The following MICALL1 variants were observed in gnomAD, a reference collection of about 807,000 sequenced individuals.
The protein encoded by MICALL1 is MICAL like 1, also known as MICAL-like protein 1.
A neutral mutation model predicts 83.7 loss-of-function variants in MICALL1; 61 were observed. That is an observed-to-expected ratio of 0.73 (90% confidence interval 0.59 to 0.90). The LOEUF (loss-of-function observed/expected upper bound fraction) is 0.90. Ranked by LOEUF, MICALL1 falls within the 40% of genes least tolerant of loss-of-function variation. The pLI, the probability that MICALL1 is intolerant of heterozygous loss-of-function variation, is 0.00. For missense variants in MICALL1, 1,066 were observed against 1,152.0 expected, an observed-to-expected ratio of 0.93 and a Z score of 1.08; for synonymous variants, 481 against 473.6, an observed-to-expected ratio of 1.02 and a Z score of -0.20.
At position 37,931,358 on chromosome 22, in the gene MICALL1, A is replaced by C. The variant is rs542443840; in HGVS notation, c.1882-441A>C. Among the ~76,000 whole-genome samples, 9 of 152,212 alleles carry C rather than the reference A, an allele frequency of 5.9e-5. No homozygotes were observed. In the South Asian group the frequency reaches 1.9e-3, roughly 32 times the overall value. On this transcript the variant is annotated intron_variant, in intron 9 of 15. Transcript: ENST00000215957. ...GGAGTTTGGGACCAGCCTGGGCAAC[A>C]AAGTGAGAACCTGTCTTTACAAAAA... is the stretch of plus-strand genomic sequence containing the variant.
chr22:37,928,043 A>G lies in MICALL1; in HGVS notation c.1881+217A>G, dbSNP rs535323894. Among the ~76,000 whole-genome samples the G allele has an allele frequency of 1.9e-4, 29 of 151,438 alleles. No individual in the cohort carries two copies. The South Asian group carries it at 5.8e-3, about 30-fold the overall frequency. ...CTGCCTGAGCCCCCAAGTAGCTGGT[A>G]CTACAGGCGCCCACCACCACGCCCG... On this transcript the variant is annotated intron_variant, in intron 9 of 15. Coordinates refer to ENST00000215957, the MANE Select transcript of MICALL1 (RefSeq NM_033386.4).
chr22:37,937,508 C>CT (rs1404663769), intron 14 of MICALL1, among the ~76,000 whole-genome samples: 1 of 150,558 alleles, frequency 6.6e-6, no homozygotes, highest in African/African-American at 2.4e-5. Flanking sequence ...ACTACAACCT[C>CT]TGTCTCCCAG....
At chr22:37,931,744 G>A in intron 9 of MICALL1, 55 bp from the exon 10 acceptor site, 1 of 1,602,260 alleles carries the variant, frequency 6.2e-7, no homozygotes, top group Non-Finnish European at 8.5e-7. Flanking sequence ...AGGCTGCTGG[G>A]GTCTCACGTG....
Position 37,921,996 on chromosome 22 carries a change from G to T in MICALL1, c.594G>T (p.Leu198=), listed in dbSNP as rs1929061786. 1 of 1,591,150 alleles carries T rather than the reference G, an allele frequency of 6.3e-7. No homozygotes were observed. The highest frequency in any genetic ancestry group is 8.6e-7 in the Non-Finnish European group (1 of 1,165,806). Residue 198 remains leucine, a synonymous_variant, in exon 6 of 16, where the codon CTG becomes CTT. Transcript: ENST00000215957. Reference sequence around the variant, plus strand: ...GGTGTCGGCGGTGCTCCAGCACCCTGCTCCCTGGGGCTTATGAGAATGGGC... The same window carrying T: ...GGTGTCGGCGGTGCTCCAGCACCCTTCTCCCTGGGGCTTATGAGAATGGGC... ...CFRCRRCSST[L]LPGAYENGPE...
At chr22:37,940,638 A>T in intron 15 of MICALL1, 71 bp from the exon 16 acceptor site, 1 of 1,576,928 alleles carries the variant, frequency 6.3e-7, no homozygotes. Context: ...GGCCTGTGTC[A>T]CTGGGTCTAG....
chr22:37,931,176 T>G (rs1218518457), intron 9 of MICALL1, among the ~76,000 whole-genome samples: 1 of 152,202 alleles, frequency 6.6e-6, no homozygotes, highest in Non-Finnish European at 1.5e-5. Flanking sequence ...GCAAATGACT[T>G]AACCTCTCTG....
chr22:37,917,999 C>G (rs1377137408), intron 4 of MICALL1, among the ~76,000 whole-genome samples: 1 of 152,168 alleles, frequency 6.6e-6, no homozygotes, highest in Non-Finnish European at 1.5e-5. Flanking sequence ...AGGCCAGTCC[C>G]GTTCTATGGG....
chr22:37,917,873 T>A, intron 4 of MICALL1, 78 bp downstream of exon 4: 2 of 1,271,346 alleles, frequency 1.6e-6, no homozygotes, highest in Non-Finnish European at 2.3e-6. Context: ...TTGCAGTGAC[T>A]GGGTCATGTG....
Position 37,933,072 on chromosome 22 carries a change from T to C in MICALL1, c.2268T>C (p.Ala756=). ...FKQQNLEQRQ[A]DVEYELRCLL... The stretch of plus-strand genomic sequence containing the variant: ...AGCAGAACCTGGAGCAGCGCCAGGC[T>C]GATGTCGAGTATGAGCTCCGGTGCC... The change falls in exon 13 of 16, where the codon GCT becomes GCC. Residue 756 remains alanine (A), a synonymous_variant. Coordinates refer to ENST00000215957, the MANE Select transcript of MICALL1 (RefSeq NM_033386.4). 1.2e-6 allele frequency: 2 copies of C among 1,613,934 alleles called. No individual in the cohort carries two copies. Among genetic ancestry groups the C allele is most frequent in the Non-Finnish European group, 1.7e-6 (2 of 1,179,990 alleles).
intron 1 of MICALL1, chr22:37,907,257 C>T (rs1427852765): frequency 6.6e-6 from 1 of 152,308 alleles, no homozygotes; most frequent in Admixed American, 6.5e-5. Context: ...AGTCACAGGC[C>T]GGCAATGTTG....
At position 37,933,079 on chromosome 22, in the gene MICALL1, G is replaced by A. The variant is rs576935912; in HGVS notation, c.2275G>A (p.Glu759Lys). The change falls in exon 13 of 16, where the codon GAG (glutamate) becomes AAG (lysine). Residue 759 changes from glutamate to lysine, a missense_variant. Coordinates refer to ENST00000215957, the MANE Select transcript of MICALL1 (RefSeq NM_033386.4). ...CCTGGAGCAGCGCCAGGCTGATGTC[G>A]AGTATGAGCTCCGGTGCCTCCTCAA... ...QNLEQRQADVEYELRCLLNKP... is the reference protein window; with the variant it reads ...QNLEQRQADVKYELRCLLNKP... 19 of 1,613,946 alleles carry A rather than the reference G, an allele frequency of 1.2e-5. No homozygotes were observed. In the South Asian group the frequency reaches 1.4e-4, roughly 12 times the overall value.
Position 37,920,818 on chromosome 22 carries a change from C to T in MICALL1, c.570-1154C>T, listed in dbSNP as rs191738027. Among the ~76,000 whole-genome samples the T allele has an allele frequency of 1.3e-3, 203 of 151,762 alleles. 2 individuals are homozygous for T. Among genetic ancestry groups the T allele is most frequent in the African/African-American group, 4.7e-3 (196 of 41,366 alleles). On this transcript the variant is annotated intron_variant, in intron 5 of 15. Transcript: ENST00000215957. ...GCAGGCGCCTGTAGTCCCAGCTACTCGGGAGGCTGAGGCAGGAGAATGGTG... is the reference window on the plus strand; with the variant it reads ...GCAGGCGCCTGTAGTCCCAGCTACTTGGGAGGCTGAGGCAGGAGAATGGTG...
chr22:37,936,985 G>T, intron 13 of MICALL1, 95 bp from the exon 14 acceptor site: 1 of 981,056 alleles, frequency 1.0e-6, no homozygotes. Context: ...TTAGCATGGG[G>T]CTGGCCTGCC....
At chr22:37,914,319 C>T (rs967932530) in intron 3 of MICALL1, among the ~76,000 whole-genome samples, 27 of 151,148 alleles carry the variant, frequency 1.8e-4, no homozygotes, top group Admixed American at 7.9e-4. Flanking sequence ...CTCTACCTCC[C>T]GGGTTCAAGC....
intron 9 of MICALL1, among the ~76,000 whole-genome samples, chr22:37,931,586 C>T (rs923736005): frequency 2.6e-5 from 4 of 152,108 alleles, no homozygotes; most frequent in Admixed American, 2.6e-4. Flanking sequence ...AGTGCAGTAA[C>T]TGACACACGG....
At chr22:37,919,240 A>G (rs1928873666) in intron 5 of MICALL1, 62 bp downstream of exon 5, 6 of 1,439,022 alleles carry the variant, frequency 4.2e-6, no homozygotes, top group Non-Finnish European at 5.5e-6. Context: ...TGGGTTCAGC[A>G]CACACAGTGC....
chr22:37,932,658 A>C lies in MICALL1; in HGVS notation c.2122A>C (p.Lys708Gln), dbSNP rs371283531. The change falls in exon 11 of 16, where the codon AAG becomes CAG. Residue 708 changes from lysine (K) to glutamine (Q), a missense_variant. Physicochemically the swap from Lys to Gln is moderately conservative, Grantham distance 53 (BLOSUM62 1). Coordinates refer to ENST00000215957, the MANE Select transcript of MICALL1 (RefSeq NM_033386.4). The surrounding 1 kb of genome is among the most constrained non-coding windows in gnomAD (Gnocchi z 4.4). ...LEHRGVLLEE[K>Q]LRGGLNEGRE... ...GCACCGTGGGGTGCTGCTGGAGGAG[A>C]AGCTGCGTGGCGGCCTGAATGGTGC... 15 of 1,613,834 alleles carry C rather than the reference A, an allele frequency of 9.3e-6. No homozygotes were observed. The highest frequency in any genetic ancestry group is 1.3e-5 in the African/African-American group (1 of 74,910).
Position 37,932,427 on chromosome 22 carries a change from C to T in MICALL1, c.2017-126C>T, listed in dbSNP as rs369964598. 6.2e-6 allele frequency: 9 copies of T among 1,456,832 alleles called. No individual in the cohort carries two copies. The African/African-American group carries it at 1.1e-4, about 18-fold the overall frequency. 90.2% of individuals were successfully genotyped at this position (1,456,832 alleles called of 1,614,324 possible). A position where few individuals can be genotyped will look rare whatever the true frequency, so the allele number is the denominator to read the frequency against. ...TCCCCACTGGGACCCTGCCTTCTTA[C>T]CATGCTGGGGTGGGGGACAGGGCCC... On this transcript the variant is annotated intron_variant, in intron 10 of 15. Transcript: ENST00000215957. This position sits in a 1 kb window ranked among gnomAD's most constrained non-coding sequence, Gnocchi z 4.4.
chr22:37,920,349 G>T (rs909131150), intron 5 of MICALL1, among the ~76,000 whole-genome samples: 2 of 152,180 alleles, frequency 1.3e-5, no homozygotes, highest in African/African-American at 2.4e-5. Context: ...GCCCCTGAGT[G>T]GGGGGCAGCT....
Sources: allele counts gnomAD v4.1 joint callset (sites outside exome capture counted in the v4.1 genomes callset), GRCh38; gene constraint gnomAD v4.1.1; non-coding constraint Gnocchi (gnomAD v3.1); transcripts MANE v1.5; gene names NCBI Gene and HGNC (gene_info 2026-07-23, HGNC 2026-07-21).